CCM2: variants seen among roughly 807,000 people sequenced by gnomAD.
The protein encoded by CCM2 is cerebral cavernous malformations 2 protein.
A neutral mutation model predicts 44.9 loss-of-function variants in CCM2; 25 were observed. The observed-to-expected ratio is 0.56, with a 90% CI of 0.41 to 0.78. The LOEUF (loss-of-function observed/expected upper bound fraction) is 0.78. Ranked by LOEUF, CCM2 falls within the 30% of genes least tolerant of loss-of-function variation. The pLI is 0.00. For missense variants in CCM2, 481 were observed against 580.6 expected, an observed-to-expected ratio of 0.83 and a Z score of 1.76; for synonymous variants, 219 against 241.1, an observed-to-expected ratio of 0.91 and a Z score of 0.85.
At position 45,076,113 on chromosome 7, in the gene CCM2, C is replaced by A; in HGVS notation, c.*56C>A. The stretch of plus-strand genomic sequence containing the variant: ...TCCGCGCAGTCGTCATAGGCCTTCC[C>A]AGAAGGAGCTGCCCAGACCTGCGTG... On this transcript the variant is annotated 3_prime_UTR_variant, in exon 10 of 10. Coordinates refer to ENST00000258781, the MANE Select transcript of CCM2 (RefSeq NM_031443.4). 1 of 1,607,354 alleles carries A rather than the reference C, an allele frequency of 6.2e-7. No homozygotes were observed. The highest frequency in any genetic ancestry group is 1.1e-5 in the South Asian group (1 of 90,518).
At chr7:45,066,961 C>T (rs911903942) in intron 4 of CCM2, among the ~76,000 whole-genome samples, 5 of 151,108 alleles carry the variant, frequency 3.3e-5, no homozygotes, top group African/African-American at 7.3e-5. Context: ...AGTGTAGTGC[C>T]GTGATCTCAG....
chr7:45,049,839 T>A (rs944660224), intron 2 of CCM2, among the ~76,000 whole-genome samples: 1 of 152,054 alleles, frequency 6.6e-6, no homozygotes, highest in Non-Finnish European at 1.5e-5. Context: ...CAACTGTGGG[T>A]TGAAAGTATT....
intron 8 of CCM2, 179 bp downstream of exon 8, chr7:45,073,750 G>C (rs1799205573): frequency 3.3e-6 from 2 of 605,016 alleles, no homozygotes; most frequent in Non-Finnish European, 5.9e-6. Flanking sequence ...TAGTCTAGGA[G>C]AGCATCAGTC....
intron 2 of CCM2, among the ~76,000 whole-genome samples, chr7:45,058,436 A>G (rs1256883499): frequency 1.3e-5 from 2 of 151,326 alleles, no homozygotes; most frequent in African/African-American, 2.4e-5. Context: ...ATCATTTAGC[A>G]TTAGGTATAT....
intron 7 of CCM2, 107 bp from the exon 8 acceptor site, chr7:45,073,353 G>T (rs577178634): frequency 2.7e-6 from 2 of 748,314 alleles, no homozygotes; most frequent in Admixed American, 4.0e-5. Flanking sequence ...ACATTCCTCT[G>T]TTCAAGGACA....
intron 4 of CCM2, among the ~76,000 whole-genome samples, chr7:45,066,023 T>A (rs1798756345): frequency 6.6e-6 from 1 of 152,220 alleles, no homozygotes; most frequent in Admixed American, 6.5e-5. Context: ...CTCCCTTTAT[T>A]TCTTCTGCTG....
chr7:45,072,840 G>C, intron 7 of CCM2, 57 bp downstream of exon 7: 2 of 1,427,410 alleles, frequency 1.4e-6, no homozygotes, highest in Non-Finnish European at 2.0e-6. Context: ...GCGTTGTCTG[G>C]TGTTGTCCAG....
At chr7:45,054,047 C>T (rs979891873) in intron 2 of CCM2, among the ~76,000 whole-genome samples, 1 of 152,120 alleles carries the variant, frequency 6.6e-6, no homozygotes, top group African/African-American at 2.4e-5. Context: ...TAGAGAAGAT[C>T]TCTCATTCAG....
At chr7:45,070,256 G>T in intron 6 of CCM2, 1 of 431,636 alleles carries the variant, frequency 2.3e-6, no homozygotes, top group Non-Finnish European at 4.3e-6. Flanking sequence ...CACTTAACTC[G>T]GAACAAAGAG....
chr7:45,040,726 C>T (rs2128730933), intron 2 of CCM2, among the ~76,000 whole-genome samples: 1 of 152,270 alleles, frequency 6.6e-6, no homozygotes, highest in South Asian at 2.1e-4. Flanking sequence ...GTGGCTCACG[C>T]CTGTAATCCC....
chr7:45,073,606 A>G, intron 8 of CCM2, 35 bp downstream of exon 8: 1 of 1,375,892 alleles, frequency 7.3e-7, no homozygotes. Context: ...GGGCTGCATG[A>G]GGGAGGGGGT....
chr7:45,060,368 T>C (rs1041894061), intron 2 of CCM2, among the ~76,000 whole-genome samples: 8 of 152,360 alleles, frequency 5.3e-5, no homozygotes, highest in Non-Finnish European at 1.0e-4. Flanking sequence ...AGAATCTTCC[T>C]TTCTAATTTT....
chr7:45,035,814 T>C (rs892431022), intron 1 of CCM2, among the ~76,000 whole-genome samples: 1 of 152,002 alleles, frequency 6.6e-6, no homozygotes, highest in Non-Finnish European at 1.5e-5. Context: ...AGTCTGATTA[T>C]ATACATATAT....
intron 2 of CCM2, among the ~76,000 whole-genome samples, chr7:45,061,857 C>G (rs886524460): frequency 6.6e-6 from 1 of 152,124 alleles, no homozygotes; most frequent in Non-Finnish European, 1.5e-5. Context: ...CCAGTCTCAC[C>G]CTGAGAGCCT....
At chr7:45,030,290 A>C (rs764119194) in intron 1 of CCM2, among the ~76,000 whole-genome samples, 17 of 152,228 alleles carry the variant, frequency 1.1e-4, no homozygotes, top group Admixed American at 6.5e-5. Flanking sequence ...AATCAAATAC[A>C]TGTTGAATGA....
At chr7:45,028,074 A>C (rs1796772712) in intron 1 of CCM2, among the ~76,000 whole-genome samples, 1 of 152,232 alleles carries the variant, frequency 6.6e-6, no homozygotes, top group Non-Finnish European at 1.5e-5. Context: ...CTCAAGGAAG[A>C]AGAAGCCACA....
chr7:45,020,068 ATCC>A (rs562742623), intron 1 of CCM2, among the ~76,000 whole-genome samples: 4 of 151,950 alleles, frequency 2.6e-5, no homozygotes, highest in Non-Finnish European at 5.9e-5. Flanking sequence ...GCAGTCTCAA[ATCC>A]TCCTTTAACC....
In CCM2 at chr7:45,070,632, G is replaced by A. The variant is rs577800472; in HGVS notation, c.745+671G>A. ...TGTATTACTTATTGAGGATTAATGG[G>A]TTATATAAATTGAGGTGCATAAAAA... On this transcript the variant is annotated intron_variant, in intron 6 of 9. Coordinates refer to ENST00000258781, the MANE Select transcript of CCM2 (RefSeq NM_031443.4). The A allele has an allele frequency of 7.9e-4, 250 of 317,324 alleles. 3 individuals are homozygous for A. Among genetic ancestry groups the A allele is most frequent in the South Asian group, 5.6e-3 (232 of 41,168 alleles). The allele number at this position is 317,324 out of a possible 1,614,324, so 19.7% of individuals were successfully genotyped here. A position where few individuals can be genotyped will look rare whatever the true frequency, so the allele number is the denominator to read the frequency against.
At chr7:45,046,770 A>G (rs971359259) in intron 2 of CCM2, among the ~76,000 whole-genome samples, 19 of 152,254 alleles carry the variant, frequency 1.2e-4, no homozygotes, top group Non-Finnish European at 2.1e-4. Context: ...CTTGCTCTAT[A>G]AAAGACAATG....
Sources: allele counts gnomAD v4.1 joint callset (sites outside exome capture counted in the v4.1 genomes callset), GRCh38; gene constraint gnomAD v4.1.1; transcripts MANE v1.5; gene names NCBI Gene and HGNC (gene_info 2026-07-23, HGNC 2026-07-21).